The following LCK variants were observed in gnomAD, a reference collection of about 807,000 sequenced individuals.
The protein encoded by LCK is LCK proto-oncogene, Src family tyrosine kinase, also known as tyrosine-protein kinase Lck.
LCK carries 14 observed loss-of-function variants against 64.6 expected under a neutral mutation model. That is an observed-to-expected ratio of 0.22 (90% CI 0.14 to 0.34). LCK has a LOEUF of 0.34. LCK is among the 10% of genes least tolerant of loss of function. The pLI, the probability that LCK is intolerant of heterozygous loss-of-function variation, is 1.00. For synonymous variants in LCK, 277 were observed against 263.6 expected, an observed-to-expected ratio of 1.05 and a Z score of -0.49; for missense variants, 434 against 668.1, an observed-to-expected ratio of 0.65 and a Z score of 3.86.
intron 9 of LCK, 186 bp from the exon 10 acceptor site, chr1:32,279,485 C>A: frequency 1.9e-6 from 2 of 1,054,660 alleles, no homozygotes; most frequent in Admixed American, 2.5e-5. Context: ...TCTACCCTAG[C>A]CCCTCTGCAA....
intron 2 of LCK, 108 bp downstream of exon 2, chr1:32,274,542 C>A: frequency 1.0e-6 from 1 of 992,840 alleles, no homozygotes; most frequent in Admixed American, 2.7e-5. Context: ...GTGGCCCTCT[C>A]CCCTGAAATA....
At position 32,280,132 on chromosome 1, in the gene LCK, T is replaced by G; in HGVS notation, c.1249T>G (p.Phe417Val). Reference protein sequence around the residue: ...TAPEAINYGTFTIKSDVWSFG... With the variant: ...TAPEAINYGTVTIKSDVWSFG... ...GCCAGAAGCCATTAACTACGGGACA[T>G]TCACCATCAAGTCAGATGTGTGGTC... Residue 417 changes from phenylalanine (F) to valine (V), a missense_variant, in exon 12 of 13, where the codon TTC becomes GTC. By Grantham distance (50) the Phe-to-Val change is conservative (BLOSUM62 -1). Around this residue, in one of 2 missense-constraint regions of LCK, gnomAD observed 201 missense variants for 376.9 expected, o/e 0.53. Coordinates refer to ENST00000336890, the MANE Select transcript of LCK (RefSeq NM_005356.5). 6.2e-7 allele frequency: 1 copy of G among 1,614,124 alleles called. No homozygotes were observed. The highest frequency in any genetic ancestry group is 8.5e-7 in the Non-Finnish European group (1 of 1,180,024).
chr1:32,279,826 G>C lies in LCK; in HGVS notation c.1042-15G>C, dbSNP rs749576004. On this transcript the variant is annotated splice_polypyrimidine_tract_variant and intron_variant, in intron 10 of 12. Coordinates refer to ENST00000336890, the MANE Select transcript of LCK (RefSeq NM_005356.5). ...ACATCTGGCTCAGGACCGCTGATCT[G>C]TGTTTGGCCTGCAGATTGCAGAAGG... is the stretch of plus-strand genomic sequence containing the variant. 2.5e-6 allele frequency: 4 copies of C among 1,614,002 alleles called. No individual in the cohort carries two copies. The highest frequency in any genetic ancestry group is 8.5e-7 in the Non-Finnish European group (1 of 1,179,990).
At position 32,285,829 on chromosome 1, in the gene LCK, AT is replaced by A; in HGVS notation, c.*114del. 9.0e-7 allele frequency: 1 copy of A among 1,113,680 alleles called. No individual in the cohort carries two copies. The highest frequency in any genetic ancestry group is 1.4e-5 in the South Asian group (1 of 70,014). 69.0% of individuals were successfully genotyped at this position (1,113,680 alleles called of 1,614,324 possible). A position where few individuals can be genotyped will look rare whatever the true frequency, so the allele number is the denominator to read the frequency against. ...ATGCACATATGGACTCTGCACATGA[AT>A]CCCACCCACATGTGACACATATGCA... On this transcript the variant is annotated 3_prime_UTR_variant, in exon 13 of 13. Transcript: ENST00000336890.
At chr1:32,257,547 G>A (rs1639660412) in intron 1 of LCK, among the ~76,000 whole-genome samples, 1 of 152,004 alleles carries the variant, frequency 6.6e-6, no homozygotes, top group African/African-American at 2.4e-5. Flanking sequence ...GAACCACCAC[G>A]CCTGGTGCCC....
chr1:32,272,690 T>C (rs1208687434), intron 1 of LCK, among the ~76,000 whole-genome samples: 1 of 149,282 alleles, frequency 6.7e-6, no homozygotes, highest in Non-Finnish European at 1.5e-5. Flanking sequence ...GAACCACAAG[T>C]ACAAAGGCAT....
chr1:32,262,889 A>C (rs1438089431), intron 1 of LCK, among the ~76,000 whole-genome samples: 1 of 149,410 alleles, frequency 6.7e-6, no homozygotes, highest in Non-Finnish European at 1.5e-5. Flanking sequence ...AAAAAAAAAC[A>C]GATGAAAGGA....
chr1:32,279,020 T>C (rs1357881958), intron 9 of LCK, among the ~76,000 whole-genome samples: 2 of 152,144 alleles, frequency 1.3e-5, no homozygotes, highest in Non-Finnish European at 2.9e-5. Context: ...AGCACATAGT[T>C]ATTGTTTCTT....
At position 32,275,295 on chromosome 1, in the gene LCK, C is replaced by T; in HGVS notation, c.279-26C>T. 6.2e-7 allele frequency: 1 copy of T among 1,611,822 alleles called. No homozygotes were observed. The highest frequency in any genetic ancestry group is 8.5e-7 in the Non-Finnish European group (1 of 1,177,948). Reference sequence around the variant, plus strand: ...GTCTCAGGTCGACGGCTGAGCGAGCCACACTGACCCACCTCCGTGGCGCAG... The same window carrying T: ...GTCTCAGGTCGACGGCTGAGCGAGCTACACTGACCCACCTCCGTGGCGCAG... On this transcript the variant is annotated intron_variant, in intron 4 of 12. Coordinates refer to ENST00000336890, the MANE Select transcript of LCK (RefSeq NM_005356.5). This position sits in a 1 kb window ranked among gnomAD's most constrained non-coding sequence, Gnocchi z 6.9.
At position 32,251,563 on chromosome 1, in the gene LCK, C is replaced by T. The variant is rs74450364; in HGVS notation, c.-6+192C>T. 0.011 allele frequency among the ~76,000 whole-genome samples: 1,675 copies of T among 152,222 alleles called. 31 individuals carry two copies. The highest frequency in any genetic ancestry group is 0.037 in the African/African-American group (1,552 of 41,514). On this transcript the variant is annotated intron_variant, in intron 1 of 12. Coordinates refer to ENST00000336890, the MANE Select transcript of LCK (RefSeq NM_005356.5). The surrounding 1 kb of genome is among the most constrained non-coding windows in gnomAD (Gnocchi z 4.0). ...CGCCTCTTTCCTGCGAAGCTGGTGT[C>T]GCTTGCCTCTGTCGTGCTGTCCACC...
intron 1 of LCK, among the ~76,000 whole-genome samples, chr1:32,269,999 T>C (rs1405920873): frequency 6.6e-6 from 1 of 152,220 alleles, no homozygotes; most frequent in East Asian, 1.9e-4. Flanking sequence ...AAAATTGCTA[T>C]TTGAACTTAG....
chr1:32,256,454 C>A (rs182815127), intron 1 of LCK, among the ~76,000 whole-genome samples: 1 of 151,866 alleles, frequency 6.6e-6, no homozygotes. Flanking sequence ...ACAAATTAGC[C>A]AGGCGTGGTG....
chr1:32,275,069 C>A lies in LCK; in HGVS notation c.264C>A (p.Leu88=). 1 of 1,612,382 alleles carries A rather than the reference C, an allele frequency of 6.2e-7. No individual in the cohort carries two copies. The highest frequency in any genetic ancestry group is 8.5e-7 in the Non-Finnish European group (1 of 1,178,676). ...GDLGFEKGEQ[L]RILEQSGEWW... Reference sequence around the variant, plus strand: ...TGGGCTTTGAGAAGGGGGAACAGCTCCGCATCCTGGAGCAGTGAGTCCCTC... The same window carrying A: ...TGGGCTTTGAGAAGGGGGAACAGCTACGCATCCTGGAGCAGTGAGTCCCTC... Residue 88 remains leucine, a synonymous_variant, in exon 4 of 13, where the codon CTC becomes CTA. Transcript: ENST00000336890. This position sits in a 1 kb window ranked among gnomAD's most constrained non-coding sequence, Gnocchi z 6.9.
rs551776207 is a variant in LCK, at chr1:32,255,807, T to A, written c.-6+4436T>A. The stretch of plus-strand genomic sequence containing the variant: ...GAGGTACCCATTAAATTTATTTTTT[T>A]TTTTTTTTTTTTTGAGACAGTGTCT... On this transcript the variant is annotated intron_variant, in intron 1 of 12. Coordinates refer to ENST00000336890, the MANE Select transcript of LCK (RefSeq NM_005356.5). 2.8e-3 allele frequency among the ~76,000 whole-genome samples: 419 copies of A among 150,286 alleles called. 1 individual carries two copies. The highest frequency in any genetic ancestry group is 5.1e-3 in the South Asian group (24 of 4,724).
chr1:32,256,747 C>T (rs1200758690), intron 1 of LCK, among the ~76,000 whole-genome samples: 4 of 152,152 alleles, frequency 2.6e-5, no homozygotes, highest in Non-Finnish European at 5.9e-5. Flanking sequence ...AGCCTAAGCC[C>T]AAAGTTCTCT....
chr1:32,275,362 A>G lies in LCK; in HGVS notation c.320A>G (p.Gln107Arg), dbSNP rs1640227529. 1 of 1,614,074 alleles carries G rather than the reference A, an allele frequency of 6.2e-7. No homozygotes were observed. Among genetic ancestry groups the G allele is most frequent in the Non-Finnish European group, 8.5e-7 (1 of 1,180,036 alleles). ...WWKAQSLTTG[Q>R]EGFIPFNFVA... ...AAGGCGCAGTCCCTGACCACGGGCCAGGAAGGCTTCATCCCCTTCAATTTT... is the reference window on the plus strand; with the variant it reads ...AAGGCGCAGTCCCTGACCACGGGCCGGGAAGGCTTCATCCCCTTCAATTTT... Residue 107 changes from glutamine to arginine, a missense_variant, in exon 5 of 13, where the codon CAG becomes CGG. Physicochemically the swap from Gln to Arg is conservative, Grantham distance 43. Around this residue, in one of 2 missense-constraint regions of LCK, gnomAD observed 233 missense variants for 291.2 expected, o/e 0.80. Transcript: ENST00000336890. This position sits in a 1 kb window ranked among gnomAD's most constrained non-coding sequence, Gnocchi z 6.9.
chr1:32,260,947 T>C (rs920656260), intron 1 of LCK, among the ~76,000 whole-genome samples: 2 of 152,188 alleles, frequency 1.3e-5, no homozygotes, highest in Admixed American at 6.6e-5. Context: ...ATGTAAAGCA[T>C]TGGCCCAAGA....
rs11576035 is a variant in LCK, at chr1:32,280,324, T to C, written c.1327+114T>C. 18,452 of 1,380,834 alleles carry C rather than the reference T, an allele frequency of 0.013. 1,874 individuals are homozygous for C. In the African/African-American group the frequency reaches 0.23, roughly 17 times the overall value. The allele number at this position is 1,380,834 out of a possible 1,614,324, so 85.5% of individuals were successfully genotyped here. A position where few individuals can be genotyped will look rare whatever the true frequency, so the allele number is the denominator to read the frequency against. ...ACTTTGTAGCTGCATCTCCTCTATC[T>C]TCTCAGGGGTATGAGTCCAACGTCC... On this transcript the variant is annotated intron_variant, in intron 12 of 12. Coordinates refer to ENST00000336890, the MANE Select transcript of LCK (RefSeq NM_005356.5).
At position 32,280,195 on chromosome 1, in the gene LCK, C is replaced by T. The variant is rs781572505; in HGVS notation, c.1312C>T (p.Arg438Cys). The T allele has an allele frequency of 2.5e-6, 4 of 1,613,968 alleles. No homozygotes were observed. The South Asian group carries it at 3.3e-5, about 13-fold the overall frequency. ...GCTGACGGAAATTGTCACCCACGGCCGCATCCCTTACCCAGGTTAGAGCCA... is the reference window on the plus strand; with the variant it reads ...GCTGACGGAAATTGTCACCCACGGCTGCATCCCTTACCCAGGTTAGAGCCA... ...ILLTEIVTHG[R>C]IPYPGMTNPE... is the part of the protein sequence containing the mutation. Residue 438 changes from arginine to cysteine, a missense_variant, in exon 12 of 13, where the codon CGC becomes TGC. Arg to Cys is a radical substitution (Grantham distance 180). Around this residue, in one of 2 missense-constraint regions of LCK, gnomAD observed 201 missense variants for 376.9 expected, o/e 0.53. Transcript: ENST00000336890.
Sources: allele counts gnomAD v4.1 joint callset (sites outside exome capture counted in the v4.1 genomes callset), GRCh38; gene constraint gnomAD v4.1.1; regional missense constraint gnomAD v4.1.1; non-coding constraint Gnocchi (gnomAD v3.1); transcripts MANE v1.5; gene names NCBI Gene and HGNC (gene_info 2026-07-23, HGNC 2026-07-21).